Variants in ZNF519 observed in about 807,000 individuals in gnomAD.
ZNF519 encodes similar to Zinc finger protein 85 (Zinc finger protein HPF4) (HTF1).
A neutral mutation model predicts 7.4 loss-of-function variants in ZNF519; 7 were observed. The observed-to-expected ratio is 0.94, with a 90% CI of 0.54 to 1.77. The LOEUF is 1.77. Among genes scored for constraint, ZNF519 ranks in the 40% most tolerant of loss-of-function variants. The probability of loss-of-function intolerance (pLI) is 0.00; values close to 1 mark genes in which losing one functional copy is unlikely to be tolerated. For synonymous variants in ZNF519, 179 were observed against 203.3 expected (o/e 0.88, Z 1.02); for missense variants, 586 against 623.1 (o/e 0.94, Z 0.63).
chr18:14,082,368 T>C (rs2046073871), intron 3 of ZNF519: 1 of 152,138 alleles, frequency 6.6e-6, no homozygotes, highest in Non-Finnish European at 1.5e-5. Context: ...TGAAAACAGA[T>C]TCAAGATATA....
intron 2 of ZNF519, among the ~76,000 whole-genome samples, chr18:14,118,362 T>A (rs755900998): frequency 6.6e-6 from 1 of 152,194 alleles, no homozygotes; most frequent in Non-Finnish European, 1.5e-5. Flanking sequence ...CTGGCCACAA[T>A]GAATTATTCT....
chr18:14,087,923 C>T (rs12327144), intron 2 of ZNF519, among the ~76,000 whole-genome samples: 2,722 of 152,202 alleles, frequency 0.018, 86 homozygotes, highest in African/African-American at 0.063. Context: ...TGTGAGTACA[C>T]TGGACAACAT....
At chr18:14,077,258 T>A (rs2046051095) in exon 5 of ZNF519, 1 of 152,296 alleles carries the variant, frequency 6.6e-6, no homozygotes, top group South Asian at 2.1e-4. Context: ...TATTTCCTCC[T>A]TCCTGCATGG....
chr18:14,109,739 C>T (rs1157780769), intron 2 of ZNF519, among the ~76,000 whole-genome samples: 1 of 151,918 alleles, frequency 6.6e-6, no homozygotes, highest in African/African-American at 2.4e-5. Context: ...AAAGTGTCTA[C>T]ATAAAAAACT....
chr18:14,085,588 TAAGAA>T (rs967486721), intron 2 of ZNF519, among the ~76,000 whole-genome samples: 1 of 151,986 alleles, frequency 6.6e-6, no homozygotes, highest in Non-Finnish European at 1.5e-5. Flanking sequence ...TTTAGCACAA[TAAGAA>T]AAGAGGCATT....
chr18:14,105,731 C>T lies in ZNF519; in HGVS notation c.809G>A (p.Arg270His), dbSNP rs576575185. ...TGEKSVKYKERGKAFTRGLHL... is the reference protein window; with the variant it reads ...TGEKSVKYKEHGKAFTRGLHL... The stretch of plus-strand genomic sequence containing the variant: ...TAAGCCCCTGGTAAAAGCTTTGCCA[C>T]GTTCTTTATATTTCACTGATTTTTC... The change falls in exon 3 of 3, where the codon CGT becomes CAT. Residue 270 changes from arginine to histidine, a missense_variant. Arg to His is a conservative substitution (Grantham distance 29, BLOSUM62 0). Coordinates refer to ENST00000590202, the MANE Select transcript of ZNF519 (RefSeq NM_145287.4). The T allele has an allele frequency of 8.1e-6, 13 of 1,613,866 alleles. No homozygotes were observed. Among genetic ancestry groups the T allele is most frequent in the African/African-American group, 5.3e-5 (4 of 75,014 alleles).
chr18:14,098,856 A>G (rs2046148365), downstream of ZNF519, among the ~76,000 whole-genome samples: 1 of 152,180 alleles, frequency 6.6e-6, no homozygotes, highest in South Asian at 2.1e-4. Context: ...GAGTATGTGC[A>G]TCTGAAATCT....
intron 2 of ZNF519, among the ~76,000 whole-genome samples, chr18:14,123,365 T>C (rs1004382683): frequency 6.6e-6 from 1 of 152,160 alleles, no homozygotes; most frequent in Non-Finnish European, 1.5e-5. Context: ...CTTTAGAATA[T>C]TTAAGTATTT....
At chr18:14,080,370 G>A (rs1462680526) in intron 3 of ZNF519, 1 of 133,466 alleles carries the variant, frequency 7.5e-6, no homozygotes, top group Non-Finnish European at 1.5e-5. Context: ...TCACCAGGCT[G>A]GAGTGCAGTG....
At chr18:14,120,349 A>G (rs1442478053) in intron 2 of ZNF519, among the ~76,000 whole-genome samples, 1 of 152,166 alleles carries the variant, frequency 6.6e-6, no homozygotes, top group African/African-American at 2.4e-5. Flanking sequence ...ATCCACAAGC[A>G]AAAGAATATA....
At chr18:14,131,091 C>T (rs1048834233) in intron 1 of ZNF519, among the ~76,000 whole-genome samples, 27 of 152,102 alleles carry the variant, frequency 1.8e-4, no homozygotes, top group Non-Finnish European at 3.2e-4. Flanking sequence ...TAGAAAAAGG[C>T]CCGAATGTGG....
At position 14,106,030 on chromosome 18, in the gene ZNF519, T is replaced by C. The variant is rs2046189334; in HGVS notation, c.510A>G (p.Lys170=). The part of the protein sequence containing the change: ...INFNHDSNIS[K]HHSTHFLENY... Reference sequence around the variant, plus strand: ...TTTCTAGAAAATGAGTACTATGATGTTTACTAATATTTGAGTCATGGTTAA... The same window carrying C: ...TTTCTAGAAAATGAGTACTATGATGCTTACTAATATTTGAGTCATGGTTAA... The change falls in exon 3 of 3, where the codon AAA becomes AAG. Residue 170 remains lysine (K), a synonymous_variant. Coordinates refer to ENST00000590202, the MANE Select transcript of ZNF519 (RefSeq NM_145287.4). 2 of 1,580,168 alleles carry C rather than the reference T, an allele frequency of 1.3e-6. No homozygotes were observed. Among genetic ancestry groups the C allele is most frequent in the Non-Finnish European group, 1.7e-6 (2 of 1,160,858 alleles).
intron 2 of ZNF519, among the ~76,000 whole-genome samples, chr18:14,094,238 A>C (rs1348241574): frequency 1.3e-5 from 2 of 152,234 alleles, no homozygotes; most frequent in African/African-American, 4.8e-5. Context: ...AACTAGTAAC[A>C]GGCAAACAAT....
chr18:14,127,242 T>C (rs1226104760), intron 1 of ZNF519, among the ~76,000 whole-genome samples: 2 of 152,228 alleles, frequency 1.3e-5, no homozygotes, highest in Non-Finnish European at 2.9e-5. Context: ...GGACAAGATC[T>C]GGAAAACTCA....
At chr18:14,125,441 G>A (rs2046294239) in intron 1 of ZNF519, among the ~76,000 whole-genome samples, 1 of 152,154 alleles carries the variant, frequency 6.6e-6, no homozygotes, top group African/African-American at 2.4e-5. Flanking sequence ...GGTACTAATT[G>A]TCCCACACTT....
chr18:14,119,609 A>C (rs565927852), intron 2 of ZNF519, among the ~76,000 whole-genome samples: 2 of 152,328 alleles, frequency 1.3e-5, no homozygotes, highest in Admixed American at 6.5e-5. Flanking sequence ...GTATCAGGAT[A>C]ATCAACATAC....
chr18:14,082,924 G>T (rs906594862), intron 3 of ZNF519: 6 of 152,278 alleles, frequency 3.9e-5, no homozygotes, highest in Non-Finnish European at 8.8e-5. Context: ...GCCTCAAGTG[G>T]TCCTCCTGTC....
rs1309468372 is a variant in ZNF519 at position 14,105,259 on chromosome 18, A to G, written c.1281T>C (p.Thr427=). ...CTTTACATTTGAAGTGTTTCTCTCC[A>G]GTATGGATTCTCTGATGTTGAGTAA... ...SHLTQHQRIH[T]GEKHFKCKEC... is the part of the protein sequence containing the mutation. Residue 427 remains threonine (T), a synonymous_variant, in exon 3 of 3, where the codon ACT becomes ACC. Transcript: ENST00000590202. 3.1e-6 allele frequency: 5 copies of G among 1,613,282 alleles called. No individual in the cohort carries two copies. The highest frequency in any genetic ancestry group is 3.3e-5 in the Admixed American group (2 of 59,972).
intron 2 of ZNF519, chr18:14,123,210 T>G: frequency 8.3e-6 from 1 of 120,418 alleles, no homozygotes; most frequent in Non-Finnish European, 1.5e-5. Flanking sequence ...TAGCAACACT[T>G]GTTTTATTAA....
Sources: allele counts gnomAD v4.1 joint callset (sites outside exome capture counted in the v4.1 genomes callset), GRCh38; gene constraint gnomAD v4.1.1; transcripts MANE v1.5; gene names NCBI Gene and HGNC (gene_info 2026-07-23, HGNC 2026-07-21).